ZNF385D: variants seen among roughly 807,000 people sequenced by gnomAD.
ZNF385D encodes the protein zinc finger protein 385D, also known as zinc finger protein 659.
ZNF385D carries 15 observed loss-of-function variants against 35.8 expected under a neutral mutation model. The observed-to-expected ratio is 0.42, with a 90% CI of 0.28 to 0.64. The LOEUF (loss-of-function observed/expected upper bound fraction) is 0.64, where lower values mean the gene tolerates loss of function less well. Among genes scored for constraint, ZNF385D ranks in the 30% least tolerant of loss-of-function variants. The pLI is 0.23. For missense variants in ZNF385D, 474 were observed against 494.6 expected (o/e 0.96, Z 0.39); for synonymous variants, 212 against 186.8 (o/e 1.13, Z -1.10).
chr3:21,619,305 C>T (rs779554338), intron 2 of ZNF385D, among the ~76,000 whole-genome samples: 12 of 152,138 alleles, frequency 7.9e-5, no homozygotes, highest in South Asian at 2.1e-4. Flanking sequence ...AACCCATCCT[C>T]ACAGTGACTG....
chr3:21,610,769 C>T (rs1198220750), intron 2 of ZNF385D, among the ~76,000 whole-genome samples: 1 of 125,126 alleles, frequency 8.0e-6, no homozygotes, highest in Non-Finnish European at 1.6e-5. Context: ...AGCGAGACTC[C>T]GTCCCCCCCA....
chr3:21,690,928 CCTTCAAAAT>C (rs1559522235), intron 1 of ZNF385D, among the ~76,000 whole-genome samples: 1 of 152,162 alleles, frequency 6.6e-6, no homozygotes, highest in African/African-American at 2.4e-5. Context: ...AACTGTTCCT[CCTTCAAAAT>C]CTTGGAACTC....
At chr3:21,445,222 G>A (rs1702085387) in intron 4 of ZNF385D, among the ~76,000 whole-genome samples, 2 of 152,178 alleles carry the variant, frequency 1.3e-5, no homozygotes, top group Non-Finnish European at 2.9e-5. Flanking sequence ...TCTAGACAAT[G>A]GGTCTCCCCT....
chr3:22,365,500 T>TC (rs1216285790), intron 2 of ZNF385D, among the ~76,000 whole-genome samples: 1 of 152,118 alleles, frequency 6.6e-6, no homozygotes, highest in Admixed American at 6.5e-5. Flanking sequence ...AAAATTTTTT[T>TC]TTGTTTGCAA....
intron 2 of ZNF385D, among the ~76,000 whole-genome samples, chr3:22,224,598 G>A (rs1698447173): frequency 6.6e-6 from 1 of 152,184 alleles, no homozygotes; most frequent in Non-Finnish European, 1.5e-5. Flanking sequence ...TGGAGATACA[G>A]TGATGTACAA....
At chr3:22,272,503 T>A (rs1441905089) in intron 2 of ZNF385D, among the ~76,000 whole-genome samples, 2 of 152,032 alleles carry the variant, frequency 1.3e-5, no homozygotes, top group South Asian at 2.1e-4. Flanking sequence ...CCTGCAGAAG[T>A]GCATTCACTG....
chr3:22,233,653 T>C (rs1559468959), intron 2 of ZNF385D, among the ~76,000 whole-genome samples: 5 of 152,092 alleles, frequency 3.3e-5, no homozygotes. Context: ...AATACCTGGC[T>C]TCTACCCACA....
chr3:22,351,300 T>C (rs910674633), intron 2 of ZNF385D, among the ~76,000 whole-genome samples: 27 of 152,062 alleles, frequency 1.8e-4, no homozygotes, highest in African/African-American at 5.8e-4. Flanking sequence ...CTAGAAAGCA[T>C]AGCAATATAT....
At chr3:21,723,539 A>T (rs2068628018) in intron 1 of ZNF385D, among the ~76,000 whole-genome samples, 1 of 152,226 alleles carries the variant, frequency 6.6e-6, no homozygotes, top group Non-Finnish European at 1.5e-5. Context: ...TTATCAAGCG[A>T]AAGAAAGGAT....
intron 2 of ZNF385D, among the ~76,000 whole-genome samples, chr3:22,303,404 A>G (rs143222269): frequency 4.5e-4 from 69 of 152,248 alleles, no homozygotes; most frequent in African/African-American, 1.6e-3. Context: ...CTTTGAAAGG[A>G]AAAGTCCTAG....
At chr3:21,669,519 G>C (rs1047743427) in intron 1 of ZNF385D, among the ~76,000 whole-genome samples, 1 of 152,148 alleles carries the variant, frequency 6.6e-6, no homozygotes, top group Non-Finnish European at 1.5e-5. Context: ...TAGAGACTGA[G>C]AAAGTAAGAC....
chr3:22,277,813 G>A (rs1176860539), intron 2 of ZNF385D, among the ~76,000 whole-genome samples: 1 of 152,072 alleles, frequency 6.6e-6, no homozygotes, highest in Non-Finnish European at 1.5e-5. Flanking sequence ...CTAAAGGATG[G>A]CTAAGCATTA....
intron 4 of ZNF385D, among the ~76,000 whole-genome samples, chr3:21,477,588 G>A (rs541665166): frequency 6.6e-6 from 1 of 152,206 alleles, no homozygotes; most frequent in Admixed American, 6.6e-5. Context: ...TCTCCCTGAT[G>A]TCAAGCTCTG....
intron 1 of ZNF385D, among the ~76,000 whole-genome samples, chr3:21,731,977 G>C (rs2069019227): frequency 7.3e-6 from 1 of 136,330 alleles, no homozygotes; most frequent in Admixed American, 7.3e-5. Context: ...TTGCTTCCAA[G>C]TTTTGGCACT....
At chr3:21,956,323 G>A (rs1287716113) in intron 3 of ZNF385D, among the ~76,000 whole-genome samples, 2 of 151,978 alleles carry the variant, frequency 1.3e-5, no homozygotes, top group Non-Finnish European at 2.9e-5. Context: ...CTGTATAGGG[G>A]CTTCCTTTAC....
intron 2 of ZNF385D, among the ~76,000 whole-genome samples, chr3:22,201,396 G>T (rs1696789059): frequency 6.6e-6 from 1 of 152,072 alleles, no homozygotes; most frequent in African/African-American, 2.4e-5. Flanking sequence ...TGAAAAAATA[G>T]TAGAGGTAGC....
At chr3:22,337,533 CA>C (rs560881694) in intron 2 of ZNF385D, among the ~76,000 whole-genome samples, 2 of 151,246 alleles carry the variant, frequency 1.3e-5, no homozygotes, top group African/African-American at 2.4e-5. Context: ...GACTCCTTTT[CA>C]AAAAAAATAA....
At chr3:21,602,134 C>G (rs1575294396) in intron 2 of ZNF385D, among the ~76,000 whole-genome samples, 1 of 152,074 alleles carries the variant, frequency 6.6e-6, no homozygotes, top group Non-Finnish European at 1.5e-5. Context: ...CAGGGGAATT[C>G]CCATTTATAA....
chr3:22,013,093 C>A (rs1045128432), intron 3 of ZNF385D, among the ~76,000 whole-genome samples: 12 of 151,918 alleles, frequency 7.9e-5, no homozygotes, highest in African/African-American at 2.9e-4. Context: ...GAATGTAAAA[C>A]CCCAAAGAGC....
Sources: gnomAD v4.1 joint callset for allele counts (sites outside exome capture counted in the v4.1 genomes callset) on GRCh38, gnomAD v4.1.1 for gene constraint, MANE v1.5 for transcripts, NCBI Gene and HGNC (gene_info 2026-07-23, HGNC 2026-07-21) for gene names.